The following WAPL variants were observed in gnomAD, a reference collection of about 807,000 sequenced individuals.
The protein encoded by WAPL is WAPL cohesin release factor.
Under a neutral mutation model 121.0 loss-of-function variants are expected in WAPL, and 5 were observed. That is an observed-to-expected ratio of 0.04 (90% CI 0.02 to 0.09). The LOEUF (loss-of-function observed/expected upper bound fraction) is 0.09, where lower values mean the gene tolerates loss of function less well. Ranked by LOEUF, WAPL falls within the 10% of genes least tolerant of loss-of-function variation. The pLI is 1.00. For missense variants in WAPL, 999 were observed against 1,410.8 expected (o/e 0.71, Z 4.68); for synonymous variants, 480 against 481.5 (o/e 1.00, Z 0.04).
Position 86,514,212 on chromosome 10 carries a change from G to A in WAPL, c.499+3359C>T, listed in dbSNP as rs113072843. Among the ~76,000 whole-genome samples, 243 of 152,238 alleles carry A rather than the reference G, an allele frequency of 1.6e-3. 1 individual carries two copies. The highest frequency in any genetic ancestry group is 5.6e-3 in the African/African-American group (231 of 41,528). ...ACAAGAGAAATGACCAGTTTAGAGGGGAGAGACAAAGGAAAAGTCACAAAG... is the reference window on the plus strand; with the variant it reads ...ACAAGAGAAATGACCAGTTTAGAGGAGAGAGACAAAGGAAAAGTCACAAAG... On this transcript the variant is annotated intron_variant, in intron 2 of 18. Transcript: ENST00000298767.
At chr10:86,468,801 A>G (rs545925103) in intron 8 of WAPL, among the ~76,000 whole-genome samples, 123 of 151,876 alleles carry the variant, frequency 8.1e-4, no homozygotes, top group Non-Finnish European at 1.6e-3. Context: ...CATCTCTATT[A>G]AAAATACAAA....
In WAPL at chr10:86,500,337, C is replaced by T. The variant is rs764506983; in HGVS notation, c.906G>A (p.Thr302=). The T allele has an allele frequency of 1.9e-6, 3 of 1,614,156 alleles. No individual in the cohort carries two copies. The highest frequency in any genetic ancestry group is 1.7e-5 in the Admixed American group (1 of 60,016). Reference sequence around the variant, plus strand: ...AATTTGATGCTCCTTGGGAGGATTTCGTTTTATTGGCCCTACAGTACGTCC... The same window carrying T: ...AATTTGATGCTCCTTGGGAGGATTTTGTTTTATTGGCCCTACAGTACGTCC... The part of the protein sequence containing the change: ...NCRTYCRANK[T]KSSQGASNFD... Residue 302 remains threonine, a synonymous_variant, in exon 3 of 19, where the codon ACG becomes ACA. Transcript: ENST00000298767.
chr10:86,514,312 T>C (rs1180373247), intron 2 of WAPL, among the ~76,000 whole-genome samples: 2 of 152,244 alleles, frequency 1.3e-5, no homozygotes, highest in Non-Finnish European at 2.9e-5. Flanking sequence ...AACAACTAAC[T>C]TGCACACATT....
chr10:86,496,855 C>G (rs1842159785), intron 4 of WAPL, among the ~76,000 whole-genome samples: 1 of 149,258 alleles, frequency 6.7e-6, no homozygotes, highest in Non-Finnish European at 1.5e-5. Context: ...TTCCTAGAGA[C>G]AGAGTGGAAT....
intron 5 of WAPL, among the ~76,000 whole-genome samples, chr10:86,473,161 T>C (rs1841571785): frequency 6.6e-6 from 1 of 152,092 alleles, no homozygotes; most frequent in Non-Finnish European, 1.5e-5. Flanking sequence ...TGTGAAGTAG[T>C]TTAGGGTAAA....
intron 9 of WAPL, among the ~76,000 whole-genome samples, chr10:86,463,557 A>G (rs1841335116): frequency 1.3e-5 from 2 of 152,224 alleles, no homozygotes; most frequent in African/African-American, 4.8e-5. Context: ...AGCTCACAGA[A>G]TATTTTTGTA....
chr10:86,452,178 A>C (rs1840998372), intron 14 of WAPL, 47 bp from the exon 15 acceptor site: 1 of 1,570,394 alleles, frequency 6.4e-7, no homozygotes, highest in African/African-American at 1.4e-5. Context: ...GAGTACTTAA[A>C]ACAAATGAAC....
In WAPL at chr10:86,467,620, A is replaced by G. The variant is rs1841428442; in HGVS notation, c.2143-114T>C. ...TTACAAGTTAATGCTTAAAACTTAT[A>G]TTACTAACCATGTTGGAAACTTCAA... On this transcript the variant is annotated intron_variant, in intron 8 of 18. Coordinates refer to ENST00000298767, the MANE Select transcript of WAPL (RefSeq NM_015045.5). 8 of 749,550 alleles carry G rather than the reference A, an allele frequency of 1.1e-5. 1 individual carries two copies. The South Asian group carries it at 1.9e-4, about 18-fold the overall frequency. 46.4% of individuals were successfully genotyped at this position (749,550 alleles called of 1,614,324 possible). A position where few individuals can be genotyped will look rare whatever the true frequency, so the allele number is the denominator to read the frequency against.
chr10:86,501,996 A>C (rs1842256229), intron 2 of WAPL, among the ~76,000 whole-genome samples: 3 of 152,234 alleles, frequency 2.0e-5, no homozygotes, highest in African/African-American at 4.8e-5. Context: ...CCAGCCTCCA[A>C]AGGGTTTTAA....
At chr10:86,455,503 A>G (rs1477380674) in intron 12 of WAPL, among the ~76,000 whole-genome samples, 1 of 151,926 alleles carries the variant, frequency 6.6e-6, no homozygotes, top group Admixed American at 6.6e-5. Context: ...AAGAGTCATC[A>G]CCACTCCTTA....
intron 4 of WAPL, among the ~76,000 whole-genome samples, chr10:86,481,065 T>C (rs1431715402): frequency 1.3e-5 from 2 of 152,128 alleles, no homozygotes; most frequent in African/African-American, 4.8e-5. Flanking sequence ...CAACAGTAAA[T>C]TGAGATTAGA....
In WAPL at chr10:86,520,446, A is replaced by G. The variant is rs572336649; in HGVS notation, c.-23+919T>C. Among the ~76,000 whole-genome samples, 29 of 152,352 alleles carry G rather than the reference A, an allele frequency of 1.9e-4. No homozygotes were observed. The South Asian group carries it at 5.4e-3, about 28-fold the overall frequency. ...GATGAAATAAATTTGTTTAATAGTC[A>G]CTGCTAAATCCAAGCGATGGGTACA... On this transcript the variant is annotated intron_variant, in intron 1 of 18. Transcript: ENST00000298767.
intron 2 of WAPL, among the ~76,000 whole-genome samples, chr10:86,508,615 C>T (rs1477459642): frequency 6.6e-6 from 1 of 152,166 alleles, no homozygotes; most frequent in Non-Finnish European, 1.5e-5. Context: ...CATTCCGCGT[C>T]AGTCAATACT....
In WAPL at chr10:86,474,317, G is replaced by T. The variant is rs113768917; in HGVS notation, c.1645-344C>A. On this transcript the variant is annotated intron_variant, in intron 4 of 18. Transcript: ENST00000298767. ...TCACTTGAGGTCAGGAGTTTGAGAC[G>T]AGCCTGGTCAACATAGTGAAACCCC... Among the ~76,000 whole-genome samples the T allele has an allele frequency of 1.6e-3, 241 of 151,476 alleles. 1 individual carries two copies. Among genetic ancestry groups the T allele is most frequent in the African/African-American group, 5.5e-3 (229 of 41,296 alleles).
Position 86,521,448 on chromosome 10 carries a change from C to G in WAPL, c.-106G>C. On this transcript the variant is annotated 5_prime_UTR_variant, in exon 1 of 19. Coordinates refer to ENST00000298767, the MANE Select transcript of WAPL (RefSeq NM_015045.5). ...GGCCCGCGGGCGGGCGCGGAACCCT[C>G]GCGCGGGAGAGCAGGGCCGGCAGGT... 3 of 312,836 alleles carry G rather than the reference C, an allele frequency of 9.6e-6. No individual in the cohort carries two copies. Among genetic ancestry groups the G allele is most frequent in the Middle Eastern group, 5.1e-4 (1 of 1,952 alleles). 19.4% of individuals were successfully genotyped at this position (312,836 alleles called of 1,614,324 possible).
intron 15 of WAPL, among the ~76,000 whole-genome samples, chr10:86,450,284 G>A (rs1840945680): frequency 6.6e-6 from 1 of 152,172 alleles, no homozygotes; most frequent in Non-Finnish European, 1.5e-5. Context: ...TGCCCAGGCT[G>A]GAGCACAGTA....
chr10:86,491,529 A>C (rs747779104), intron 4 of WAPL, among the ~76,000 whole-genome samples: 39 of 152,122 alleles, frequency 2.6e-4, no homozygotes, highest in Non-Finnish European at 5.3e-4. Context: ...TTGGTTTCTA[A>C]GTACTAATGT....
At chr10:86,471,725 T>C (rs1261054022) in intron 7 of WAPL, among the ~76,000 whole-genome samples, 1 of 152,170 alleles carries the variant, frequency 6.6e-6, no homozygotes, top group African/African-American at 2.4e-5. Context: ...AGCAGCATGA[T>C]CACGGGCTCA....
Position 86,443,255 on chromosome 10 carries a change from T to C in WAPL, c.3411+20A>G. On this transcript the variant is annotated intron_variant, in intron 17 of 18. Transcript: ENST00000298767. The stretch of plus-strand genomic sequence containing the variant: ...GAATCTTTCAAAGATACATAAAACA[T>C]CACTGAACTATGTACTTACTGGACT... 3.8e-6 allele frequency: 6 copies of C among 1,568,250 alleles called. No homozygotes were observed. The highest frequency in any genetic ancestry group is 5.3e-6 in the Non-Finnish European group (6 of 1,139,062).
Sources: gnomAD v4.1 joint callset for allele counts (sites outside exome capture counted in the v4.1 genomes callset) on GRCh38, gnomAD v4.1.1 for gene constraint, MANE v1.5 for transcripts, NCBI Gene and HGNC (gene_info 2026-07-23, HGNC 2026-07-21) for gene names.